PPP1R7: variants seen among roughly 807,000 people sequenced by gnomAD.
PPP1R7 encodes the protein protein phosphatase 1 regulatory subunit 7.
PPP1R7 carries 18 observed loss-of-function variants against 45.2 expected under a neutral mutation model. The observed-to-expected ratio is 0.40, with a 90% CI of 0.28 to 0.59. PPP1R7 has a LOEUF of 0.59. Among genes scored for constraint, PPP1R7 ranks in the 20% least tolerant of loss-of-function variants. The pLI, the probability that PPP1R7 is intolerant of heterozygous loss-of-function variation, is 0.46. For missense variants in PPP1R7, 314 were observed against 455.8 expected, an observed-to-expected ratio of 0.69 and a Z score of 2.83; for synonymous variants, 181 against 183.4, an observed-to-expected ratio of 0.99 and a Z score of 0.11.
intron 8 of PPP1R7, among the ~76,000 whole-genome samples, chr2:241,168,434 G>C (rs374638063): frequency 1.3e-5 from 2 of 152,160 alleles, no homozygotes; most frequent in Non-Finnish European, 2.9e-5. Context: ...TGCAGAGTGC[G>C]GGGGAGAGCT....
chr2:241,149,721 G>T, upstream of PPP1R7: 1 of 1,549,826 alleles, frequency 6.5e-7, no homozygotes. Flanking sequence ...GAGTAGCGCA[G>T]AGCTCGCCTC....
At chr2:241,163,534 A>G (rs2067641242) in intron 7 of PPP1R7, 133 bp downstream of exon 7, 3 of 660,910 alleles carry the variant, frequency 4.5e-6, no homozygotes, top group African/African-American at 3.6e-5. Context: ...CAATTGAAAC[A>G]TTAGATGCCA....
intron 7 of PPP1R7, among the ~76,000 whole-genome samples, chr2:241,165,426 CA>C (rs2067683429): frequency 6.6e-6 from 1 of 152,108 alleles, no homozygotes; most frequent in South Asian, 2.1e-4. Context: ...CTTGGCCTCC[CA>C]AAGTGCTGGG....
upstream of PPP1R7, chr2:241,149,628 C>T (rs1287281598): frequency 6.5e-7 from 1 of 1,537,812 alleles, no homozygotes; most frequent in East Asian, 2.4e-5. Context: ...TACGGCGCTT[C>T]GGAGGAGCCA....
chr2:241,159,126 G>T, intron 4 of PPP1R7, 87 bp from the exon 5 acceptor site: 1 of 1,460,470 alleles, frequency 6.8e-7, no homozygotes, highest in East Asian at 2.4e-5. Flanking sequence ...TACCAGAAAG[G>T]CCTTTCTTGT....
chr2:241,149,948 G>A, upstream of PPP1R7: 1 of 1,426,354 alleles, frequency 7.0e-7, no homozygotes, highest in South Asian at 1.5e-5. Flanking sequence ...AGAGAAGGCG[G>A]CATTTCGCAT....
At chr2:241,176,472 T>A (rs1234398281) in intron 9 of PPP1R7, among the ~76,000 whole-genome samples, 3 of 151,858 alleles carry the variant, frequency 2.0e-5, no homozygotes, top group African/African-American at 4.8e-5. Flanking sequence ...TTTTTTTTTT[T>A]TTGAGATGGA....
At chr2:241,165,670 T>G (rs929368970) in intron 7 of PPP1R7, among the ~76,000 whole-genome samples, 1 of 151,858 alleles carries the variant, frequency 6.6e-6, no homozygotes, top group African/African-American at 2.4e-5. Context: ...CTCGGCTCAC[T>G]GCAAGCTCCA....
chr2:241,163,539 A>T, intron 7 of PPP1R7, 138 bp downstream of exon 7: 2 of 657,542 alleles, frequency 3.0e-6, no homozygotes. Context: ...GAAACATTAG[A>T]TGCCATAGAC....
At chr2:241,175,785 C>T (rs1416960911) in intron 9 of PPP1R7, among the ~76,000 whole-genome samples, 3 of 151,858 alleles carry the variant, frequency 2.0e-5, no homozygotes, top group Non-Finnish European at 2.9e-5. Flanking sequence ...TGTTTTGTTT[C>T]GTTTTTTGTT....
At position 241,150,563 on chromosome 2, in the gene PPP1R7, G is replaced by C; in HGVS notation, c.52+16G>C. 1 of 1,585,986 alleles carries C rather than the reference G, an allele frequency of 6.3e-7. No homozygotes were observed. Among genetic ancestry groups the C allele is most frequent in the Non-Finnish European group, 8.6e-7 (1 of 1,168,724 alleles). ...ATGATGGAGGGTGAGCGGCCCCTGC[G>C]GGCGGCGGCCCAAGGGCCCAGCGGG... On this transcript the variant is annotated intron_variant, in intron 1 of 9. Coordinates refer to ENST00000234038, the MANE Select transcript of PPP1R7 (RefSeq NM_002712.3).
chr2:241,183,383 C>G lies in PPP1R7; in HGVS notation c.*560C>G, dbSNP rs146171513. The G allele has an allele frequency of 1.3e-4, 60 of 471,176 alleles. No homozygotes were observed. Among genetic ancestry groups the G allele is most frequent in the Admixed American group, 1.1e-3 (48 of 42,566 alleles). 29.2% of individuals were successfully genotyped at this position (471,176 alleles called of 1,614,324 possible). A position where few individuals can be genotyped will look rare whatever the true frequency, so the allele number is the denominator to read the frequency against. On this transcript the variant is annotated 3_prime_UTR_variant, in exon 10 of 10. Coordinates refer to ENST00000234038, the MANE Select transcript of PPP1R7 (RefSeq NM_002712.3). ...CTGTGTGCTTGTGTTCCTTAGAGCTCTCCTTCAAAGAGCGCCGGGCAGGGC... is the reference window on the plus strand; with the variant it reads ...CTGTGTGCTTGTGTTCCTTAGAGCTGTCCTTCAAAGAGCGCCGGGCAGGGC...
intron 9 of PPP1R7, among the ~76,000 whole-genome samples, chr2:241,179,134 A>C (rs531490001): frequency 2.6e-5 from 4 of 152,170 alleles, no homozygotes; most frequent in Non-Finnish European, 5.9e-5. Context: ...CTGCCAGGAA[A>C]ACGTCAGCCA....
At chr2:241,151,412 T>C in intron 1 of PPP1R7, 2 of 470,006 alleles carry the variant, frequency 4.3e-6, no homozygotes, top group African/African-American at 2.0e-5. Flanking sequence ...AGGCCTGACA[T>C]GTTAGGGAGT....
At chr2:241,156,441 T>G (rs937462910) in intron 2 of PPP1R7, among the ~76,000 whole-genome samples, 28 of 152,006 alleles carry the variant, frequency 1.8e-4, no homozygotes, top group Non-Finnish European at 1.5e-4. Flanking sequence ...GAGGCCAAGG[T>G]GGGAGGATCA....
At chr2:241,178,788 G>A (rs957022809) in intron 9 of PPP1R7, among the ~76,000 whole-genome samples, 8 of 144,538 alleles carry the variant, frequency 5.5e-5, no homozygotes, top group African/African-American at 2.1e-4. Context: ...CGATGTGGCC[G>A]TGCCTGTGTC....
chr2:241,167,406 T>C (rs943096897), intron 8 of PPP1R7, among the ~76,000 whole-genome samples: 7 of 152,214 alleles, frequency 4.6e-5, no homozygotes, highest in Admixed American at 1.3e-4. Context: ...TTTATAAAAC[T>C]AGCATGCAAA....
chr2:241,154,504 A>G (rs1206740448), intron 2 of PPP1R7, among the ~76,000 whole-genome samples: 2 of 152,188 alleles, frequency 1.3e-5, no homozygotes, highest in Non-Finnish European at 2.9e-5. Context: ...CCTGGCCAAC[A>G]TGGTGAAACC....
Position 241,183,222 on chromosome 2 carries a change from G to T in PPP1R7, c.*399G>T. The T allele has an allele frequency of 2.6e-6, 1 of 379,740 alleles. No individual in the cohort carries two copies. Among genetic ancestry groups the T allele is most frequent in the South Asian group, 2.1e-5 (1 of 48,250 alleles). 23.5% of individuals were successfully genotyped at this position (379,740 alleles called of 1,614,324 possible). ...GTGGCATTCGGGGGCTGGCCTAGCT[G>T]GCCCTAGTCCTGGTGTGCAGGGTTC... On this transcript the variant is annotated 3_prime_UTR_variant, in exon 10 of 10. Transcript: ENST00000234038.
Sources: allele counts gnomAD v4.1 joint callset (sites outside exome capture counted in the v4.1 genomes callset), GRCh38; gene constraint gnomAD v4.1.1; transcripts MANE v1.5; gene names NCBI Gene and HGNC (gene_info 2026-07-23, HGNC 2026-07-21).